The following TENM3 variants were observed in gnomAD, a reference collection of about 807,000 sequenced individuals.
The protein encoded by TENM3 is teneurin-3.
In TENM3, 63 loss-of-function variants were observed where a neutral mutation model predicts 255.1. That is an observed-to-expected ratio of 0.25 (90% confidence interval 0.20 to 0.30). TENM3 has a LOEUF of 0.30. Ranked by LOEUF, TENM3 falls within the 10% of genes least tolerant of loss-of-function variation. The probability of loss-of-function intolerance (pLI) is 1.00; values close to 1 mark genes in which losing one functional copy is unlikely to be tolerated. For missense variants in TENM3, 2,929 were observed against 3,461.1 expected (o/e 0.85, Z 3.86); for synonymous variants, 1,306 against 1,322.3 (o/e 0.99, Z 0.27).
At chr4:181,745,633 T>C in the TENM3 span, among the ~76,000 whole-genome samples, 15 of 151,984 alleles carry the variant, frequency 9.9e-5, no homozygotes, top group Non-Finnish European at 2.1e-4. Flanking sequence ...GAAAGGGAGA[T>C]AGATAAGGAG....
chr4:182,382,182 T>C (rs1489075700), intron 3 of TENM3, among the ~76,000 whole-genome samples: 1 of 152,176 alleles, frequency 6.6e-6, no homozygotes, highest in Non-Finnish European at 1.5e-5. Flanking sequence ...CAAGTAGATA[T>C]ATAATGAAAT....
the TENM3 span, among the ~76,000 whole-genome samples, chr4:181,864,398 A>G: frequency 6.6e-6 from 1 of 152,092 alleles, no homozygotes; most frequent in Non-Finnish European, 1.5e-5. Context: ...CTTGGGTGCC[A>G]ATGGCTACAG....
At chr4:182,461,266 A>T (rs1561471259) in intron 3 of TENM3, among the ~76,000 whole-genome samples, 1 of 152,202 alleles carries the variant, frequency 6.6e-6, no homozygotes, top group African/African-American at 2.4e-5. Flanking sequence ...AAGATGCTTG[A>T]GTCTGATTGA....
intron 1 of TENM3, among the ~76,000 whole-genome samples, chr4:182,273,035 G>C (rs146384084): frequency 6.2e-4 from 94 of 152,210 alleles, no homozygotes; most frequent in Non-Finnish European, 1.2e-3. Flanking sequence ...GAGGAGAGGA[G>C]CGTAACCAGG....
At chr4:182,268,042 C>T (rs187871956) in intron 1 of TENM3, among the ~76,000 whole-genome samples, 246 of 152,228 alleles carry the variant, frequency 1.6e-3, no homozygotes, top group African/African-American at 5.6e-3. Flanking sequence ...TCATTCTGGG[C>T]GCATTACAAT....
At chr4:181,476,206 GTTT>G in the TENM3 span, among the ~76,000 whole-genome samples, 1 of 115,364 alleles carries the variant, frequency 8.7e-6, no homozygotes. Context: ...CATTTTAGGG[GTTT>G]TTTTTTTTTT....
chr4:181,689,219 G>A, the TENM3 span, among the ~76,000 whole-genome samples: 6 of 152,170 alleles, frequency 3.9e-5, no homozygotes, highest in African/African-American at 7.2e-5. Flanking sequence ...ACAAAATCTC[G>A]GGATTATATG....
At chr4:182,076,723 CT>C in the TENM3 span, among the ~76,000 whole-genome samples, 1 of 152,136 alleles carries the variant, frequency 6.6e-6, no homozygotes, top group Admixed American at 6.6e-5. Context: ...ATTGGCAAAC[CT>C]TTTTGGTAAA....
At chr4:181,460,129 A>G in the TENM3 span, among the ~76,000 whole-genome samples, 27 of 152,086 alleles carry the variant, frequency 1.8e-4, no homozygotes, top group Non-Finnish European at 3.8e-4. Flanking sequence ...TCACAAATAC[A>G]TAGAAATACA....
At chr4:181,865,343 A>T in the TENM3 span, among the ~76,000 whole-genome samples, 1 of 152,206 alleles carries the variant, frequency 6.6e-6, no homozygotes, top group African/African-American at 2.4e-5. Flanking sequence ...TGTGAATATG[A>T]CTGATAGCTA....
intron 3 of TENM3, among the ~76,000 whole-genome samples, chr4:182,417,640 T>A (rs934508168): frequency 1.3e-5 from 2 of 152,022 alleles, no homozygotes; most frequent in Non-Finnish European, 2.9e-5. Flanking sequence ...GGGGAAAAAA[T>A]TGTCAGACTG....
chr4:181,674,672 C>A, the TENM3 span, among the ~76,000 whole-genome samples: 1 of 152,070 alleles, frequency 6.6e-6, no homozygotes, highest in African/African-American at 2.4e-5. Flanking sequence ...CAGTTGAGGA[C>A]ACAGATGATT....
At chr4:182,446,661 T>C (rs1205681237) in intron 3 of TENM3, among the ~76,000 whole-genome samples, 1 of 151,788 alleles carries the variant, frequency 6.6e-6, no homozygotes, top group African/African-American at 2.4e-5. Flanking sequence ...AGTCTCCCTA[T>C]ATTGCTCAGG....
intron 3 of TENM3, among the ~76,000 whole-genome samples, chr4:182,534,813 G>C (rs1000275930): frequency 1.3e-5 from 2 of 152,166 alleles, no homozygotes; most frequent in Admixed American, 6.5e-5. Flanking sequence ...TTTGGAAAGT[G>C]GGATCAGATT....
rs765226860 is a variant in TENM3, at chr4:182,793,688, A to G, written c.7016A>G (p.His2339Arg). Residue 2339 changes from histidine to arginine, a missense_variant, in exon 26 of 28, where the codon CAT becomes CGT. This residue lies in a region of TENM3 where 256 missense variants were observed against 389.3 expected (regional missense o/e 0.66). Coordinates refer to ENST00000511685, the MANE Select transcript of TENM3 (RefSeq NM_001080477.4). This position sits in a 1 kb window ranked among gnomAD's most constrained non-coding sequence, Gnocchi z 5.7. ...GACTTTCAACTGGTAATTGGATTTCATGGTGGCCTGTATGACCCACTCACC... is the reference window on the plus strand; with the variant it reads ...GACTTTCAACTGGTAATTGGATTTCGTGGTGGCCTGTATGACCCACTCACC... Reference protein sequence around the residue: ...NIDFQLVIGFHGGLYDPLTKL... With the variant: ...NIDFQLVIGFRGGLYDPLTKL... 11 of 1,613,886 alleles carry G rather than the reference A, an allele frequency of 6.8e-6. No individual in the cohort carries two copies. The highest frequency in any genetic ancestry group is 1.7e-5 in the Admixed American group (1 of 60,016).
At chr4:182,538,134 G>T (rs1043775806) in intron 3 of TENM3, among the ~76,000 whole-genome samples, 1 of 152,002 alleles carries the variant, frequency 6.6e-6, no homozygotes, top group Non-Finnish European at 1.5e-5. Context: ...TCACGTTTTG[G>T]GCAAGTATTC....
rs115478937 is a variant in TENM3 at position 182,299,076 on chromosome 4, G to A, written c.-75-24870G>A. ...GAAGCTTCTCAGTCACTCAGAGGTA[G>A]GAGAGTTGTGAAACCACTGGCTGGG... On this transcript the variant is annotated intron_variant, in intron 1 of 27. Coordinates refer to ENST00000511685, the MANE Select transcript of TENM3 (RefSeq NM_001080477.4). 1.7e-3 allele frequency among the ~76,000 whole-genome samples: 249 copies of A among 148,632 alleles called. 2 individuals are homozygous for A. The highest frequency in any genetic ancestry group is 5.9e-3 in the African/African-American group (236 of 40,204).
chr4:182,654,867 T>C (rs1038760555), intron 6 of TENM3, among the ~76,000 whole-genome samples: 1 of 152,212 alleles, frequency 6.6e-6, no homozygotes, highest in Non-Finnish European at 1.5e-5. Flanking sequence ...TTCTTTTTTT[T>C]CCTAATGATA....
the TENM3 span, among the ~76,000 whole-genome samples, chr4:182,110,336 A>G: frequency 6.6e-6 from 1 of 151,300 alleles, no homozygotes; most frequent in East Asian, 2.0e-4. Context: ...TGATTTATTT[A>G]TTTATTGAGA....
Sources: gnomAD v4.1 joint callset for allele counts (sites outside exome capture counted in the v4.1 genomes callset) on GRCh38, gnomAD v4.1.1 for gene constraint, gnomAD v4.1.1 regional missense constraint, Gnocchi (gnomAD v3.1) non-coding constraint, MANE v1.5 for transcripts, NCBI Gene and HGNC (gene_info 2026-07-23, HGNC 2026-07-21) for gene names.